Variants in MORC2 observed in about 807,000 individuals in gnomAD.
The protein encoded by MORC2 is ATPase MORC2.
In MORC2, 30 loss-of-function variants were observed where a neutral mutation model predicts 136.0. That is an observed-to-expected ratio of 0.22 (90% CI 0.17 to 0.30). MORC2 has a LOEUF of 0.30. MORC2 is among the 10% of genes least tolerant of loss of function. The probability of loss-of-function intolerance (pLI) is 1.00; values close to 1 mark genes in which losing one functional copy is unlikely to be tolerated. For synonymous variants in MORC2, 439 were observed against 487.0 expected, an observed-to-expected ratio of 0.90 and a Z score of 1.30; for missense variants, 922 against 1,333.1, an observed-to-expected ratio of 0.69 and a Z score of 4.80.
At chr22:30,948,434 TC>T (rs2040848065) in intron 5 of MORC2, among the ~76,000 whole-genome samples, 2 of 152,124 alleles carry the variant, frequency 1.3e-5, no homozygotes. Context: ...CCTACCCAGA[TC>T]CACTGAATCA....
rs1489478171 is a variant in MORC2 at position 30,932,788 on chromosome 22, T to C, written c.2523-19A>G. ...CTCCACCCTGTGGAAGACACACAGC[T>C]TATGTCATGTCTGACCCGGGCTCCC... On this transcript the variant is annotated intron_variant, in intron 22 of 25. Transcript: ENST00000397641. The surrounding 1 kb of genome is among the most constrained non-coding windows in gnomAD (Gnocchi z 4.4). The C allele has an allele frequency of 6.2e-7, 1 of 1,613,698 alleles. No homozygotes were observed. The highest frequency in any genetic ancestry group is 1.3e-5 in the African/African-American group (1 of 74,908).
In MORC2 at chr22:30,968,748, A is replaced by C. The variant is rs1317252337; in HGVS notation, c.-859T>G. ...AGGGCAGTGGCGAGCGCACCACCTG[A>C]CCGGGCACTACCCGGATCTCACAAC... On this transcript the variant is annotated 5_prime_UTR_variant, in exon 1 of 26. Transcript: ENST00000397641. Among the ~76,000 whole-genome samples, 2 of 151,792 alleles carry C rather than the reference A, an allele frequency of 1.3e-5. No individual in the cohort carries two copies. The highest frequency in any genetic ancestry group is 4.8e-5 in the African/African-American group (2 of 41,338).
chr22:30,929,996 G>C (rs2040549519), intron 24 of MORC2: 1 of 152,100 alleles, frequency 6.6e-6, no homozygotes, highest in African/African-American at 2.4e-5. Flanking sequence ...GGGATTACAG[G>C]CATGCACCAC....
chr22:30,954,709 C>A (rs995043224), intron 3 of MORC2, among the ~76,000 whole-genome samples: 5 of 152,158 alleles, frequency 3.3e-5, no homozygotes. Context: ...AATTTACCCA[C>A]CAAATGTAGT....
rs1369923017 is a variant in MORC2 at position 30,932,316 on chromosome 22, G to A, written c.2841+43C>T. On this transcript the variant is annotated intron_variant, in intron 24 of 25. Coordinates refer to ENST00000397641, the MANE Select transcript of MORC2 (RefSeq NM_001303256.3). The surrounding 1 kb of genome is among the most constrained non-coding windows in gnomAD (Gnocchi z 4.4). ...TTACAACAAATGCAGGGGCAGGGGT[G>A]GGGGAATGAAGAGTGTGGAATCGAA... 2.1e-6 allele frequency: 3 copies of A among 1,462,814 alleles called. No individual in the cohort carries two copies. Among genetic ancestry groups the A allele is most frequent in the Admixed American group, 1.8e-5 (1 of 56,154 alleles). 90.6% of individuals were successfully genotyped at this position (1,462,814 alleles called of 1,614,324 possible).
chr22:30,933,571 G>A, intron 20 of MORC2, 51 bp from the exon 21 acceptor site: 2 of 1,593,436 alleles, frequency 1.3e-6, no homozygotes, highest in Non-Finnish European at 1.7e-6. Flanking sequence ...CCCAAGAGCA[G>A]ACTTGTGCCT....
At chr22:30,954,220 G>A (rs890543994) in intron 3 of MORC2, among the ~76,000 whole-genome samples, 4 of 152,058 alleles carry the variant, frequency 2.6e-5, no homozygotes, top group African/African-American at 7.2e-5. Flanking sequence ...ACTTGAGCCC[G>A]AGAGGTGGAG....
chr22:30,930,450 C>T (rs889392132), intron 24 of MORC2, among the ~76,000 whole-genome samples: 2 of 152,216 alleles, frequency 1.3e-5, no homozygotes, highest in African/African-American at 4.8e-5. Context: ...GCACCACTCC[C>T]TCATATCTTG....
At chr22:30,928,787 T>G (rs1192468678) in intron 24 of MORC2, among the ~76,000 whole-genome samples, 1 of 152,202 alleles carries the variant, frequency 6.6e-6, no homozygotes, top group Non-Finnish European at 1.5e-5. Flanking sequence ...CTTTTCAGAC[T>G]TATAAAAGGG....
At position 30,967,916 on chromosome 22, in the gene MORC2, A is replaced by C; in HGVS notation, c.-27T>G. On this transcript the variant is annotated 5_prime_UTR_variant, in exon 1 of 26. Coordinates refer to ENST00000397641, the MANE Select transcript of MORC2 (RefSeq NM_001303256.3). The stretch of plus-strand genomic sequence containing the variant: ...ACTGCAATAAGGTCTCCAGCCCTTC[A>C]CCCGCTAACTGGGAAATATAACCTT... The C allele has an allele frequency of 6.7e-7, 1 of 1,482,422 alleles. No individual in the cohort carries two copies. Among genetic ancestry groups the C allele is most frequent in the Admixed American group, 2.0e-5 (1 of 50,886 alleles). The allele number at this position is 1,482,422 out of a possible 1,614,324, so 91.8% of individuals were successfully genotyped here.
Position 30,947,687 on chromosome 22 carries a change from A to T in MORC2, c.318-1238T>A, listed in dbSNP as rs533344118. On this transcript the variant is annotated intron_variant, in intron 5 of 25. Coordinates refer to ENST00000397641, the MANE Select transcript of MORC2 (RefSeq NM_001303256.3). ...TGCTGGCAATGCTCCTTGCCCTGAA[A>T]ATTTCACACACCACCTCCTCCTCCT... is the stretch of plus-strand genomic sequence containing the variant. Among the ~76,000 whole-genome samples, 8 of 152,170 alleles carry T rather than the reference A, an allele frequency of 5.3e-5. No individual in the cohort carries two copies. The East Asian group carries it at 1.5e-3, about 29-fold the overall frequency.
At position 30,932,662 on chromosome 22, in the gene MORC2, G is replaced by A. The variant is rs1602477856; in HGVS notation, c.2630C>T (p.Ala877Val). 1.2e-6 allele frequency: 2 copies of A among 1,614,208 alleles called. No individual in the cohort carries two copies. The highest frequency in any genetic ancestry group is 1.6e-4 in the Middle Eastern group (1 of 6,062). ...EGGEEEVGPVAQQAIAVAEPS... is the reference protein window; with the variant it reads ...EGGEEEVGPVVQQAIAVAEPS... ...CTCTGCGACAGCTATGGCCTGCTGG[G>A]CCACAGGGCCCACCTCCTCCTCCCC... The change falls in exon 23 of 26, where the codon GCC becomes GTC. Residue 877 changes from alanine (A) to valine (V), a missense_variant. By Grantham distance (64) the Ala-to-Val change is moderately conservative. Transcript: ENST00000397641. This position sits in a 1 kb window ranked among gnomAD's most constrained non-coding sequence, Gnocchi z 4.4.
At chr22:30,959,802 T>A (rs944905228) in intron 1 of MORC2, among the ~76,000 whole-genome samples, 2 of 152,242 alleles carry the variant, frequency 1.3e-5, no homozygotes, top group Non-Finnish European at 2.9e-5. Context: ...AATTTTTAAA[T>A]GAAATATATC....
intron 1 of MORC2, among the ~76,000 whole-genome samples, chr22:30,960,410 T>C (rs1307096737): frequency 4.6e-5 from 7 of 152,212 alleles, no homozygotes; most frequent in Non-Finnish European, 8.8e-5. Flanking sequence ...TTATCATCAA[T>C]TTACCTAGGA....
intron 1 of MORC2, among the ~76,000 whole-genome samples, chr22:30,964,780 A>C (rs1474020979): frequency 1.3e-5 from 2 of 152,236 alleles, no homozygotes; most frequent in Non-Finnish European, 2.9e-5. Context: ...CAAAGACCTG[A>C]TACAAAAAAA....
chr22:30,955,068 C>A (rs2147298615), intron 3 of MORC2, among the ~76,000 whole-genome samples: 1 of 149,490 alleles, frequency 6.7e-6, no homozygotes, highest in Admixed American at 6.8e-5. Context: ...AAGCGATTCT[C>A]CTGCTTCAGC....
intron 12 of MORC2, among the ~76,000 whole-genome samples, chr22:30,939,098 T>C (rs551783281): frequency 6.6e-6 from 1 of 151,838 alleles, no homozygotes; most frequent in Non-Finnish European, 1.5e-5. Context: ...GACATGGAGG[T>C]GGGACAAGCA....
rs373881103 is a variant in MORC2 at position 30,935,050 on chromosome 22, G to A, written c.1924C>T (p.Arg642Ter). 1.2e-6 allele frequency: 2 copies of A among 1,613,924 alleles called. No individual in the cohort carries two copies. Among genetic ancestry groups the A allele is most frequent in the Non-Finnish European group, 8.5e-7 (1 of 1,180,040 alleles). Residue 642 changes from arginine (R) to a stop codon, truncating the protein, a stop_gained, in exon 19 of 26, where the codon CGA becomes TGA. Coordinates refer to ENST00000397641, the MANE Select transcript of MORC2 (RefSeq NM_001303256.3). LOFTEE classifies it high-confidence loss of function. Reference protein sequence around the residue: ...LPTPRPASQPRKAPVISSTPK... With the variant: ...LPTPRPASQP Reference sequence around the variant, plus strand: ...GTACTGCTGATGACAGGAGCCTTTCGGGGCTGGCTGGCTGGTCTAGGAGTT... The same window carrying A: ...GTACTGCTGATGACAGGAGCCTTTCAGGGCTGGCTGGCTGGTCTAGGAGTT...
rs1467310640 is a variant in MORC2 at position 30,967,874 on chromosome 22, A to G, written c.16T>C (p.Tyr6His). The change falls in exon 1 of 26, where the codon TAC (tyrosine) becomes CAC (histidine). Residue 6 changes from tyrosine to histidine, a missense_variant. Tyr to His is a moderately conservative substitution (Grantham distance 83). Transcript: ENST00000397641. MAFTN[Y>H]SSLNRAQLTF... Reference sequence around the variant, plus strand: ...AGCTGAGCTCGATTCAGACTGCTGTAATTTGTGAAAGCCATGACTGCAATA... The same window carrying G: ...AGCTGAGCTCGATTCAGACTGCTGTGATTTGTGAAAGCCATGACTGCAATA... The G allele has an allele frequency of 6.4e-7, 1 of 1,551,080 alleles. No individual in the cohort carries two copies. The highest frequency in any genetic ancestry group is 8.7e-7 in the Non-Finnish European group (1 of 1,146,980).
Sources: allele counts gnomAD v4.1 joint callset (sites outside exome capture counted in the v4.1 genomes callset), GRCh38; gene constraint gnomAD v4.1.1; non-coding constraint Gnocchi (gnomAD v3.1); transcripts MANE v1.5; gene names NCBI Gene and HGNC (gene_info 2026-07-23, HGNC 2026-07-21).